The following ENO1 variants were observed in gnomAD, a reference collection of about 807,000 sequenced individuals.
ENO1 encodes enolase 1.
In ENO1, 33 loss-of-function variants were observed where a neutral mutation model predicts 46.3. The ratio of observed to expected loss-of-function variants is 0.71; its 90% CI spans 0.54 to 0.95. The LOEUF is 0.95. Ranked by LOEUF, ENO1 falls within the 40% of genes least tolerant of loss-of-function variation. ENO1 has a pLI of 0.00. For synonymous variants in ENO1, 220 were observed against 216.0 expected, an observed-to-expected ratio of 1.02 and a Z score of -0.16; for missense variants, 488 against 553.3, an observed-to-expected ratio of 0.88 and a Z score of 1.18.
At chr1:8,877,154 T>C (rs1642752453) in intron 1 of ENO1, among the ~76,000 whole-genome samples, 1 of 152,078 alleles carries the variant, frequency 6.6e-6, no homozygotes, top group African/African-American at 2.4e-5. Context: ...AGATGGGGTT[T>C]AGTAGAGTAG....
Position 8,878,652 on chromosome 1 carries a change from G to A in ENO1, c.-82C>T, listed in dbSNP as rs1169169776. 8.8e-6 allele frequency: 4 copies of A among 455,992 alleles called. No individual in the cohort carries two copies. The highest frequency in any genetic ancestry group is 1.8e-5 in the Non-Finnish European group (4 of 226,826). 28.2% of individuals were successfully genotyped at this position (455,992 alleles called of 1,614,324 possible). On this transcript the variant is annotated 5_prime_UTR_variant, in exon 1 of 12. Transcript: ENST00000234590. Reference sequence around the variant, plus strand: ...AGACACCGAGGTGAACGTAAAGCCGGCGAGATCTCCGTGCTCCGGGTACCC... The same window carrying A: ...AGACACCGAGGTGAACGTAAAGCCGACGAGATCTCCGTGCTCCGGGTACCC...
chr1:8,877,206 CCTCCCAAAGTG>C (rs1429598704), intron 1 of ENO1, among the ~76,000 whole-genome samples: 1 of 152,010 alleles, frequency 6.6e-6, no homozygotes, highest in Non-Finnish European at 1.5e-5. Context: ...CCCACCTCGG[CCTCCCAAAGTG>C]CTAGGATTAC....
At chr1:8,861,879 T>TTA (rs2124044691) in intron 11 of ENO1, among the ~76,000 whole-genome samples, 1 of 62,288 alleles carries the variant, frequency 1.6e-5, no homozygotes, top group African/African-American at 6.1e-5. Context: ...GATCTTGATG[T>TTA]TAAAAAAAAA....
chr1:8,868,134 G>T, intron 4 of ENO1, 77 bp from the exon 5 acceptor site: 1 of 1,096,138 alleles, frequency 9.1e-7, no homozygotes, highest in Non-Finnish European at 1.4e-6. Flanking sequence ...CATGGAATCT[G>T]ACTTTGGAAC....
chr1:8,873,619 C>G (rs964000709), intron 2 of ENO1, among the ~76,000 whole-genome samples: 3 of 152,208 alleles, frequency 2.0e-5, no homozygotes, highest in Non-Finnish European at 4.4e-5. Context: ...AGTGAGAAAC[C>G]CCACAGTGCT....
chr1:8,867,374 T>A, intron 5 of ENO1, 124 bp from the exon 6 acceptor site: 2 of 1,337,638 alleles, frequency 1.5e-6, no homozygotes, highest in Non-Finnish European at 2.1e-6. Context: ...CATTTCACTG[T>A]TACTAGAAAT....
chr1:8,876,931 G>A (rs1335934820), intron 1 of ENO1, among the ~76,000 whole-genome samples: 1 of 151,728 alleles, frequency 6.6e-6, no homozygotes, highest in Non-Finnish European at 1.5e-5. Flanking sequence ...TGCAACCTCA[G>A]CCTCCTGTCT....
At chr1:8,875,475 A>G (rs751326326) in intron 1 of ENO1, among the ~76,000 whole-genome samples, 27 of 152,336 alleles carry the variant, frequency 1.8e-4, no homozygotes, top group South Asian at 4.1e-4. Context: ...ATGGAAAGGA[A>G]CCAAGAACAG....
intron 3 of ENO1, 193 bp from the exon 4 acceptor site, chr1:8,870,703 A>T (rs1219364875): frequency 4.1e-6 from 6 of 1,449,404 alleles, no homozygotes; most frequent in Non-Finnish European, 5.4e-6. Context: ...CCTACCTAGG[A>T]CCCCAGAGGG....
At chr1:8,876,430 G>C (rs905444983) in intron 1 of ENO1, 1 of 152,078 alleles carries the variant, frequency 6.6e-6, no homozygotes, top group African/African-American at 2.4e-5. Context: ...TTATATACCC[G>C]AGTAACATTT....
intron 2 of ENO1, chr1:8,873,804 CTG>C (rs1642679853): frequency 6.6e-6 from 1 of 152,256 alleles, no homozygotes. Flanking sequence ...TGGCAGTTCT[CTG>C]TGAGTTTAGC....
rs1019234974 is a variant in ENO1 at position 8,866,531 on chromosome 1, A to T, written c.445-30T>A. ...GGAGAGCAGAGCAGAGAAGCATGGC[A>T]CTGGGTCCAGAGAGCCCCACAGGGC... is the stretch of plus-strand genomic sequence containing the variant. On this transcript the variant is annotated intron_variant, in intron 6 of 11. Transcript: ENST00000234590. The T allele has an allele frequency of 1.6e-5, 25 of 1,612,392 alleles. 1 individual carries two copies. Among genetic ancestry groups the T allele is most frequent in the Middle Eastern group, 3.3e-4 (2 of 6,074 alleles).
At chr1:8,874,793 G>C in intron 2 of ENO1, 31 bp downstream of exon 2, 1 of 1,590,276 alleles carries the variant, frequency 6.3e-7, no homozygotes, top group Non-Finnish European at 8.6e-7. Context: ...ACGGTGGAAG[G>C]AACCATGGAA....
chr1:8,861,346 T>C lies in ENO1; in HGVS notation c.*14A>G, dbSNP rs770132290. On this transcript the variant is annotated 3_prime_UTR_variant, in exon 12 of 12. Transcript: ENST00000234590. Reference sequence around the variant, plus strand: ...GTAGCCAACAGGTGACCGAAGGGCTTGCCTGCCCACAGCTTACTTGGCCAA... The same window carrying C: ...GTAGCCAACAGGTGACCGAAGGGCTCGCCTGCCCACAGCTTACTTGGCCAA... 1.6e-5 allele frequency: 26 copies of C among 1,613,316 alleles called. No individual in the cohort carries two copies. The highest frequency in any genetic ancestry group is 1.9e-5 in the Non-Finnish European group (23 of 1,179,986).
intron 4 of ENO1, 27 bp from the exon 5 acceptor site, chr1:8,868,084 G>C: frequency 6.4e-6 from 10 of 1,561,400 alleles, no homozygotes; most frequent in Non-Finnish European, 8.8e-6. Context: ...AGAATGAGGG[G>C]TTGGGGCCAC....
chr1:8,867,314 T>TAC (rs1642542028), intron 5 of ENO1, 64 bp from the exon 6 acceptor site: 1 of 1,601,534 alleles, frequency 6.2e-7, no homozygotes, highest in Middle Eastern at 1.7e-4. Context: ...TCTCCTGCTG[T>TAC]ACTGCCCTGA....
Position 8,871,982 on chromosome 1 carries a change from G to A in ENO1, c.90C>T (p.Leu30=). The change falls in exon 3 of 12, where the codon CTC becomes CTT. Residue 30 remains leucine (L), a synonymous_variant. Transcript: ENST00000234590. The part of the protein sequence containing the change: ...VEVDLFTSKG[L]FRAAVPSGAS... Reference sequence around the variant, plus strand: ...CACCACTGGGCACAGCAGCTCTGAAGAGACCTGGATGAGAGGAAAAAAGAT... The same window carrying A: ...CACCACTGGGCACAGCAGCTCTGAAAAGACCTGGATGAGAGGAAAAAAGAT... The A allele has an allele frequency of 1.2e-6, 2 of 1,614,002 alleles. No homozygotes were observed. Among genetic ancestry groups the A allele is most frequent in the South Asian group, 2.2e-5 (2 of 91,026 alleles).
intron 3 of ENO1, 149 bp downstream of exon 3, chr1:8,871,730 CCACAAGGTGGTG>C: frequency 7.9e-7 from 1 of 1,263,684 alleles, no homozygotes. Context: ...ACTTTCCTGT[CCACAAGGTGGTG>C]CACTGCTTCC....
intron 1 of ENO1, chr1:8,876,063 A>G (rs1268727915): frequency 6.6e-6 from 1 of 152,202 alleles, no homozygotes; most frequent in Non-Finnish European, 1.5e-5. Context: ...ATTTCCAGCA[A>G]TGAACAACAA....
Sources: allele counts gnomAD v4.1 joint callset (sites outside exome capture counted in the v4.1 genomes callset), GRCh38; gene constraint gnomAD v4.1.1; transcripts MANE v1.5; gene names NCBI Gene and HGNC (gene_info 2026-07-23, HGNC 2026-07-21).